PCDHGB5: variants seen among roughly 807,000 people sequenced by gnomAD.
The protein encoded by PCDHGB5 is protocadherin gamma subfamily B, 5.
PCDHGB5 carries 48 observed loss-of-function variants against 62.9 expected under a neutral mutation model. The observed-to-expected ratio is 0.76, with a 90% confidence interval of 0.61 to 0.97. PCDHGB5 has a LOEUF of 0.97. PCDHGB5 is among the 50% of genes least tolerant of loss of function. The pLI, the probability that PCDHGB5 is intolerant of heterozygous loss-of-function variation, is 0.00. For synonymous variants in PCDHGB5, 474 were observed against 511.2 expected (o/e 0.93, Z 0.98); for missense variants, 1,118 against 1,198.6 (o/e 0.93, Z 0.99).
rs2093596115 is a variant in PCDHGB5, at chr5:141,397,999, G to GA, written c.-124dup. 2.9e-6 allele frequency: 4 copies of GA among 1,387,690 alleles called. No individual in the cohort carries two copies. The highest frequency in any genetic ancestry group is 2.9e-5 in the African/African-American group (2 of 68,834). The allele number at this position is 1,387,690 out of a possible 1,614,324, so 86.0% of individuals were successfully genotyped here. A position where few individuals can be genotyped will look rare whatever the true frequency, so the allele number is the denominator to read the frequency against. On this transcript the variant is annotated 5_prime_UTR_variant, in exon 1 of 4. Coordinates refer to ENST00000617380, the MANE Select transcript of PCDHGB5 (RefSeq NM_018925.3). ...CGGCCTTTACACCGCTTCCTCCTCG[G>GA]AAAAAGAATCGTTTCCTAAACTGGA...
At chr5:141,409,617 C>A (rs2095293168) in intron 1 of PCDHGB5, 1 of 1,613,748 alleles carries the variant, frequency 6.2e-7, no homozygotes, top group South Asian at 1.1e-5. Context: ...GCCTCCATTG[C>A]GCAAGTGAGC....
At chr5:141,478,454 A>G (rs766350066) in intron 1 of PCDHGB5, 4 of 1,613,596 alleles carry the variant, frequency 2.5e-6, no homozygotes, top group Non-Finnish European at 3.4e-6. Context: ...TGGTGCAGCC[A>G]GTCCACTGGC....
In PCDHGB5 at chr5:141,485,513, T is replaced by C. The variant is rs751762068; in HGVS notation, c.2398-9294T>C. The C allele has an allele frequency of 4.3e-6, 7 of 1,613,938 alleles. No homozygotes were observed. The highest frequency in any genetic ancestry group is 2.2e-5 in the East Asian group (1 of 44,890). On this transcript the variant is annotated intron_variant, in intron 1 of 3. Coordinates refer to ENST00000617380, the MANE Select transcript of PCDHGB5 (RefSeq NM_018925.3). The surrounding 1 kb of genome is among the most constrained non-coding windows in gnomAD (Gnocchi z 5.7). ...CCTGGAGTTTGTCACCGAAGGTCCTTTGGAAATGTACCGAGCAGAGGTAGA... is the reference window on the plus strand; with the variant it reads ...CCTGGAGTTTGTCACCGAAGGTCCTCTGGAAATGTACCGAGCAGAGGTAGA...
rs140779776 is a variant in PCDHGB5 at position 141,412,904 on chromosome 5, C to T, written c.2397+12380C>T. On this transcript the variant is annotated intron_variant, in intron 1 of 3. Transcript: ENST00000617380. ...CAACAGAATAGTTTACTTTCCATTG[C>T]ATGTATCACTTGGGTGCAGTAACTT... The T allele has an allele frequency of 4.0e-4, 150 of 378,712 alleles. 3 individuals carry two copies. In the East Asian group the frequency reaches 6.1e-3, roughly 15 times the overall value. 23.5% of individuals were successfully genotyped at this position (378,712 alleles called of 1,614,324 possible).
chr5:141,411,573 GA>G (rs2095500797), intron 1 of PCDHGB5: 1 of 152,244 alleles, frequency 6.6e-6, no homozygotes, highest in Middle Eastern at 3.4e-3. Flanking sequence ...GACAGAGTGC[GA>G]CCCTGTCTCT....
At chr5:141,427,499 T>C in intron 1 of PCDHGB5, 2 of 571,516 alleles carry the variant, frequency 3.5e-6, no homozygotes, top group Non-Finnish European at 3.3e-6. Flanking sequence ...TTGTAACAGA[T>C]GGGACCCTGG....
At chr5:141,471,046 C>G (rs960750377) in intron 1 of PCDHGB5, among the ~76,000 whole-genome samples, 3 of 113,280 alleles carry the variant, frequency 2.6e-5, no homozygotes, top group African/African-American at 1.1e-4. Context: ...CCCAAGCCCT[C>G]TTTTTTTTTT....
rs1248867280 is a variant in PCDHGB5 at position 141,511,325 on chromosome 5, C to T, written c.*152C>T. 18 of 1,466,406 alleles carry T rather than the reference C, an allele frequency of 1.2e-5. No homozygotes were observed. Among genetic ancestry groups the T allele is most frequent in the Non-Finnish European group, 1.5e-5 (17 of 1,099,872 alleles). 90.8% of individuals were successfully genotyped at this position (1,466,406 alleles called of 1,614,324 possible). A position where few individuals can be genotyped will look rare whatever the true frequency, so the allele number is the denominator to read the frequency against. On this transcript the variant is annotated 3_prime_UTR_variant, in exon 4 of 4. Coordinates refer to ENST00000617380, the MANE Select transcript of PCDHGB5 (RefSeq NM_018925.3). ...TCCCCTTGGGAAACAGAAACAAGTG[C>T]CCAGTCAGCACCTACCCCTTCCCCC...
At chr5:141,428,003 C>T in intron 1 of PCDHGB5, 1 of 1,601,362 alleles carries the variant, frequency 6.2e-7, no homozygotes, top group East Asian at 2.2e-5. Flanking sequence ...CCGCACTCTT[C>T]GATATAGTGC....
chr5:141,441,810 C>A, intron 1 of PCDHGB5: 1 of 372,576 alleles, frequency 2.7e-6, no homozygotes. Context: ...GGTGCTGTAC[C>A]CCAGCTCTGG....
chr5:141,427,751 C>T (rs778043340), intron 1 of PCDHGB5: 1 of 1,306,072 alleles, frequency 7.7e-7, no homozygotes, highest in South Asian at 1.2e-5. Flanking sequence ...CCTACTCCAT[C>T]GTTACCACTG....
chr5:141,413,695 T>C lies in PCDHGB5; in HGVS notation c.2397+13171T>C, dbSNP rs573363878. The C allele has an allele frequency of 4.8e-5, 77 of 1,613,796 alleles. 1 individual carries two copies. The highest frequency in any genetic ancestry group is 3.0e-4 in the South Asian group (27 of 91,078). ...TGTGGGCGTGAACTCCCTGCAGAGC[T>C]ATCAGCTCAGCCCCAATAAGCACTT... On this transcript the variant is annotated intron_variant, in intron 1 of 3. Transcript: ENST00000617380.
At chr5:141,418,435 A>G (rs1237542659) in intron 1 of PCDHGB5, 1 of 1,614,038 alleles carries the variant, frequency 6.2e-7, no homozygotes, top group South Asian at 1.1e-5. Context: ...GCAAATATCC[A>G]GAATTAGTAT....
chr5:141,421,477 A>G (rs755936665), intron 1 of PCDHGB5: 23 of 1,614,022 alleles, frequency 1.4e-5, no homozygotes, highest in Non-Finnish European at 1.7e-6. Context: ...GCGAAGCGGC[A>G]GCTTGATCAC....
At chr5:141,428,055 G>T in intron 1 of PCDHGB5, 1 of 1,609,070 alleles carries the variant, frequency 6.2e-7, no homozygotes, top group Non-Finnish European at 8.5e-7. Context: ...CAAGGTGGTG[G>T]CGGTGGACGC....
chr5:141,425,835 T>C (rs536839515), intron 1 of PCDHGB5, among the ~76,000 whole-genome samples: 1 of 152,256 alleles, frequency 6.6e-6, no homozygotes, highest in Admixed American at 6.5e-5. Flanking sequence ...TTTTAAATTC[T>C]CTTTGCTGGG....
chr5:141,431,408 G>T lies in PCDHGB5; in HGVS notation c.2397+30884G>T, dbSNP rs1270461546. On this transcript the variant is annotated intron_variant, in intron 1 of 3. Coordinates refer to ENST00000617380, the MANE Select transcript of PCDHGB5 (RefSeq NM_018925.3). The surrounding 1 kb of genome is among the most constrained non-coding windows in gnomAD (Gnocchi z 4.8). ...CCACCTGGTCCTTACGGCCTCCGAC[G>T]GGGGCGACCCGGTGCGCACAGGCAC... 4 of 1,613,600 alleles carry T rather than the reference G, an allele frequency of 2.5e-6. No individual in the cohort carries two copies. Among genetic ancestry groups the T allele is most frequent in the Non-Finnish European group, 3.4e-6 (4 of 1,180,038 alleles).
rs779686795 is a variant in PCDHGB5, at chr5:141,476,566, G to A, written c.2398-18241G>A. On this transcript the variant is annotated intron_variant, in intron 1 of 3. Coordinates refer to ENST00000617380, the MANE Select transcript of PCDHGB5 (RefSeq NM_018925.3). The surrounding 1 kb of genome is among the most constrained non-coding windows in gnomAD (Gnocchi z 7.6). ...TGGAGATTAGCGAGGCCGTGGCTCC[G>A]GGGACGCGCTTTCCGCTCGAGAGCG... The A allele has an allele frequency of 1.2e-6, 2 of 1,614,062 alleles. No homozygotes were observed. Among genetic ancestry groups the A allele is most frequent in the East Asian group, 2.2e-5 (1 of 44,872 alleles).
At position 141,505,378 on chromosome 5, in the gene PCDHGB5, C is replaced by T. The variant is rs376550639; in HGVS notation, c.2457-15C>T. 2 of 1,614,034 alleles carry T rather than the reference C, an allele frequency of 1.2e-6. No homozygotes were observed. The highest frequency in any genetic ancestry group is 2.2e-5 in the East Asian group (1 of 44,872). On this transcript the variant is annotated splice_polypyrimidine_tract_variant and intron_variant, in intron 2 of 3. Transcript: ENST00000617380. ...GGCCTGGGAGTCTGTGCTCACCATC[C>T]TACTCTCTCCCCAGCTCCCAAAATG...
Sources: gnomAD v4.1 joint callset for allele counts (sites outside exome capture counted in the v4.1 genomes callset) on GRCh38, gnomAD v4.1.1 for gene constraint, Gnocchi (gnomAD v3.1) non-coding constraint, MANE v1.5 for transcripts, NCBI Gene and HGNC (gene_info 2026-07-23, HGNC 2026-07-21) for gene names.